PIK3R6: variants seen among roughly 807,000 people sequenced by gnomAD.
PIK3R6 encodes the protein phosphoinositide-3-kinase regulatory subunit 6, also known as phosphoinositide 3-kinase regulatory subunit 6.
Under a neutral mutation model 84.9 loss-of-function variants are expected in PIK3R6, and 91 were observed. The ratio of observed to expected loss-of-function variants is 1.07; its 90% confidence interval spans 0.90 to 1.28. The LOEUF (loss-of-function observed/expected upper bound fraction) is 1.28. Ranked by LOEUF, PIK3R6 falls within the 50% of genes most tolerant of loss-of-function variation. The pLI, the probability that PIK3R6 is intolerant of heterozygous loss-of-function variation, is 0.00. For missense variants in PIK3R6, 996 were observed against 985.1 expected (o/e 1.01, Z -0.15); for synonymous variants, 416 against 411.4 (o/e 1.01, Z -0.13).
Position 8,839,804 on chromosome 17 carries a change from G to T in PIK3R6, c.14-107C>A. 1 of 897,946 alleles carries T rather than the reference G, an allele frequency of 1.1e-6. No homozygotes were observed. The highest frequency in any genetic ancestry group is 1.7e-6 in the Non-Finnish European group (1 of 600,766). The allele number at this position is 897,946 out of a possible 1,614,324, so 55.6% of individuals were successfully genotyped here. ...TTAGCCATTTCTCTGAGCCTCAGGA[G>T]GTGCCCGAAGTAATCGACTTAGAGC... On this transcript the variant is annotated intron_variant, in intron 2 of 19. Transcript: ENST00000619866. The surrounding 1 kb of genome is among the most constrained non-coding windows in gnomAD (Gnocchi z 4.2).
chr17:8,823,592 T>C lies in PIK3R6; in HGVS notation c.1516-95A>G, dbSNP rs2087817765. 4.8e-6 allele frequency: 4 copies of C among 825,832 alleles called. No homozygotes were observed. The Admixed American group carries it at 6.3e-5, about 13-fold the overall frequency. 51.2% of individuals were successfully genotyped at this position (825,832 alleles called of 1,614,324 possible). On this transcript the variant is annotated intron_variant, in intron 13 of 19. Transcript: ENST00000619866. Reference sequence around the variant, plus strand: ...GAGAGAAACTTCAAGCCCCTACATCTCTGGGATGCACTAACCCAGTGCGTC... The same window carrying C: ...GAGAGAAACTTCAAGCCCCTACATCCCTGGGATGCACTAACCCAGTGCGTC...
At chr17:8,831,868 C>T (rs775886517) in intron 9 of PIK3R6, among the ~76,000 whole-genome samples, 4 of 152,210 alleles carry the variant, frequency 2.6e-5, no homozygotes, top group East Asian at 1.9e-4. Flanking sequence ...ATATTCGGGA[C>T]GTTTCTCTGG....
intron 1 of PIK3R6, among the ~76,000 whole-genome samples, chr17:8,851,310 A>T (rs1407663254): frequency 6.6e-6 from 1 of 152,160 alleles, no homozygotes. Flanking sequence ...ATCCTGGCTA[A>T]CATGGTGAAA....
intron 18 of PIK3R6, among the ~76,000 whole-genome samples, chr17:8,808,286 G>A (rs73973219): frequency 0.036 from 5,492 of 152,256 alleles, 346 homozygotes; most frequent in African/African-American, 0.12. Context: ...AACTGGATGA[G>A]GTAGGTAATG....
At position 8,829,180 on chromosome 17, in the gene PIK3R6, CACAG is replaced by C. The variant is rs370001119; in HGVS notation, c.890-194_890-191del. On this transcript the variant is annotated intron_variant, in intron 10 of 19. Transcript: ENST00000619866. ...ATGCACACACATACACATGTACAGA[CACAG>C]ACAGACATACACACACGTGCACACA... Among the ~76,000 whole-genome samples the C allele has an allele frequency of 2.1e-3, 281 of 131,868 alleles. 3 individuals are homozygous for C. The highest frequency in any genetic ancestry group is 0.017 in the South Asian group (67 of 3,860). 86.5% of individuals were successfully genotyped at this position (131,868 alleles called of 152,430 possible).
rs1051173655 is a variant in PIK3R6, at chr17:8,862,454, T to C, written c.-92+5075A>G. 8.5e-5 allele frequency among the ~76,000 whole-genome samples: 13 copies of C among 152,312 alleles called. 1 individual carries two copies. Among genetic ancestry groups the C allele is most frequent in the African/African-American group, 3.1e-4 (13 of 41,550 alleles). On this transcript the variant is annotated intron_variant, in intron 1 of 19. Transcript: ENST00000619866. This position sits in a 1 kb window ranked among gnomAD's most constrained non-coding sequence, Gnocchi z 4.3. Reference sequence around the variant, plus strand: ...ACACAGGAAACAGAGATTACTTTGATGCTCAGAATACTGCAAAGAAGACAC... The same window carrying C: ...ACACAGGAAACAGAGATTACTTTGACGCTCAGAATACTGCAAAGAAGACAC...
rs1468717509 is a variant in PIK3R6, at chr17:8,849,941, C to T, written c.-91-56G>A. The T allele has an allele frequency of 3.7e-6, 4 of 1,083,238 alleles. No individual in the cohort carries two copies. In the African/African-American group the frequency reaches 6.4e-5, roughly 17 times the overall value. The allele number at this position is 1,083,238 out of a possible 1,614,324, so 67.1% of individuals were successfully genotyped here. A position where few individuals can be genotyped will look rare whatever the true frequency, so the allele number is the denominator to read the frequency against. ...AGCAGTGGGAAGGTGCAGAAAGCAC[C>T]TTGGGAAATGGAGAAGCTCCTAAGG... On this transcript the variant is annotated intron_variant, in intron 1 of 19. Transcript: ENST00000619866.
At chr17:8,841,025 G>T (rs12944180) in intron 2 of PIK3R6, among the ~76,000 whole-genome samples, 61,839 of 151,636 alleles carry the variant, frequency 0.41, 13,117 homozygotes, top group African/African-American at 0.5. Context: ...GTGCTGGGAT[G>T]ACAGGCATGA....
At chr17:8,849,706 G>A (rs374911842) in intron 2 of PIK3R6, 76 bp downstream of exon 2, 189 of 1,503,086 alleles carry the variant, frequency 1.3e-4, no homozygotes, top group East Asian at 1.9e-4. Context: ...AGCCCTAGAG[G>A]CATCCTCACC....
intron 18 of PIK3R6, among the ~76,000 whole-genome samples, chr17:8,805,917 CAA>C (rs56856038): frequency 7.4e-6 from 1 of 134,690 alleles, no homozygotes. Flanking sequence ...GACTCTGTCT[CAA>C]AAAAAAAAAA....
At chr17:8,829,901 C>T in intron 9 of PIK3R6, 109 bp from the exon 10 acceptor site, 1 of 792,222 alleles carries the variant, frequency 1.3e-6, no homozygotes, top group East Asian at 2.8e-5. Flanking sequence ...GTGGCAGGGA[C>T]TCTCTCCTTC....
Position 8,827,300 on chromosome 17 carries a change from G to T in PIK3R6, c.1393-6C>A. ...TGCCTGGATGCTGCAGGCTTCTGGG[G>T]GAAAGGGGATGGGGCAGACCCGTCA... On this transcript the variant is annotated splice_polypyrimidine_tract_variant and splice_region_variant and intron_variant, in intron 12 of 19. Transcript: ENST00000619866. 5 of 1,551,418 alleles carry T rather than the reference G, an allele frequency of 3.2e-6. No individual in the cohort carries two copies. The highest frequency in any genetic ancestry group is 3.5e-6 in the Non-Finnish European group (4 of 1,147,734).
chr17:8,842,034 CT>C lies in PIK3R6; in HGVS notation c.14-2338del, dbSNP rs917372334. The stretch of plus-strand genomic sequence containing the variant: ...TTAAAAAGAGCCCGGCACCTTCCCC[CT>C]CTCTCTTGCTTCATCTCTCAGCATG... On this transcript the variant is annotated intron_variant, in intron 2 of 19. Transcript: ENST00000619866. The surrounding 1 kb of genome is among the most constrained non-coding windows in gnomAD (Gnocchi z 4.5). Among the ~76,000 whole-genome samples the C allele has an allele frequency of 3.9e-5, 6 of 152,112 alleles. No individual in the cohort carries two copies. The highest frequency in any genetic ancestry group is 1.4e-4 in the African/African-American group (6 of 41,418).
At chr17:8,832,549 A>ATTTTTTT (rs71135926) in intron 9 of PIK3R6, among the ~76,000 whole-genome samples, 1 of 133,602 alleles carries the variant, frequency 7.5e-6, no homozygotes, top group Non-Finnish European at 1.6e-5. Context: ...CGCCCAGCTG[A>ATTTTTTT]TTTTTTTTTT....
chr17:8,810,088 A>T (rs1256887959), intron 18 of PIK3R6, among the ~76,000 whole-genome samples: 2 of 151,862 alleles, frequency 1.3e-5, no homozygotes, highest in African/African-American at 4.8e-5. Context: ...TGGGAAATTT[A>T]CAAAAGAAAG....
intron 18 of PIK3R6, among the ~76,000 whole-genome samples, chr17:8,812,284 C>T (rs958947874): frequency 2.0e-5 from 3 of 152,188 alleles, no homozygotes; most frequent in African/African-American, 7.2e-5. Flanking sequence ...CAAACCACAT[C>T]AGACACCAAT....
Position 8,827,178 on chromosome 17 carries a change from A to C in PIK3R6, c.1509T>G (p.Ala503=). 6.2e-7 allele frequency: 1 copy of C among 1,612,464 alleles called. No individual in the cohort carries two copies. The highest frequency in any genetic ancestry group is 8.5e-7 in the Non-Finnish European group (1 of 1,179,288). ...NTLCPAIHKL[A]EMPPSLDTSR... ...TACCCTCACCCTCCCCTACCATCTCAGCCAGCTTGTGGATGGCGGGGCACA... is the reference window on the plus strand; with the variant it reads ...TACCCTCACCCTCCCCTACCATCTCCGCCAGCTTGTGGATGGCGGGGCACA... The change falls in exon 13 of 20, where the codon GCT becomes GCG. Residue 503 remains alanine, a synonymous_variant. Coordinates refer to ENST00000619866, the MANE Select transcript of PIK3R6 (RefSeq NM_001010855.4).
intron 1 of PIK3R6, among the ~76,000 whole-genome samples, chr17:8,860,144 C>T (rs1332768585): frequency 6.6e-6 from 1 of 152,182 alleles, no homozygotes; most frequent in Non-Finnish European, 1.5e-5. Context: ...AAGCCAGACT[C>T]CTTCTTAGCT....
At chr17:8,822,207 C>T (rs966688153) in intron 16 of PIK3R6, among the ~76,000 whole-genome samples, 1 of 152,024 alleles carries the variant, frequency 6.6e-6, no homozygotes, top group Admixed American at 6.6e-5. Flanking sequence ...GTCTATGTCA[C>T]TAAGGTCCCA....
Sources: gnomAD v4.1 joint callset for allele counts (sites outside exome capture counted in the v4.1 genomes callset) on GRCh38, gnomAD v4.1.1 for gene constraint, Gnocchi (gnomAD v3.1) non-coding constraint, MANE v1.5 for transcripts, NCBI Gene and HGNC (gene_info 2026-07-23, HGNC 2026-07-21) for gene names.